PDLIM5: variants seen among roughly 807,000 people sequenced by gnomAD.
PDLIM5 encodes PDZ and LIM domain protein 5.
PDLIM5 carries 34 observed loss-of-function variants against 64.2 expected under a neutral mutation model. That is an observed-to-expected ratio of 0.53 (90% CI 0.40 to 0.71). PDLIM5 has a LOEUF of 0.71. PDLIM5 is among the 30% of genes least tolerant of loss of function. The pLI is 0.00. For synonymous variants in PDLIM5, 253 were observed against 269.1 expected (o/e 0.94, Z 0.59); for missense variants, 683 against 733.6 (o/e 0.93, Z 0.80).
At chr4:94,626,498 A>G (rs1370080447) in intron 8 of PDLIM5, among the ~76,000 whole-genome samples, 1 of 152,180 alleles carries the variant, frequency 6.6e-6, no homozygotes, top group Non-Finnish European at 1.5e-5. Context: ...CAGTGAACGT[A>G]TTTAAGGAGG....
At chr4:94,644,389 T>C (rs1490309578) in intron 9 of PDLIM5, among the ~76,000 whole-genome samples, 1 of 152,172 alleles carries the variant, frequency 6.6e-6, no homozygotes, top group Non-Finnish European at 1.5e-5. Flanking sequence ...ATCATATGAA[T>C]ATGGCAAAAA....
intron 3 of PDLIM5, among the ~76,000 whole-genome samples, chr4:94,529,622 A>C (rs568548370): frequency 6.6e-6 from 1 of 152,342 alleles, no homozygotes; most frequent in Admixed American, 6.5e-5. Flanking sequence ...TTGGGGGCAT[A>C]TAATAAAGCA....
chr4:94,609,091 T>G (rs1017324485), intron 7 of PDLIM5, among the ~76,000 whole-genome samples: 37 of 152,198 alleles, frequency 2.4e-4, no homozygotes, highest in Admixed American at 2.4e-3. Context: ...GAAGAATGAC[T>G]TATCAAATTC....
At chr4:94,455,536 GA>G (rs1174803856) in intron 2 of PDLIM5, 152 bp downstream of exon 2, 8 of 659,942 alleles carry the variant, frequency 1.2e-5, no homozygotes, top group Non-Finnish European at 1.9e-5. Flanking sequence ...AATAAAGGAT[GA>G]GGGGAGTAGA....
At position 94,538,999 on chromosome 4, in the gene PDLIM5, C is replaced by T. The variant is rs557829443; in HGVS notation, c.248+15124C>T. Among the ~76,000 whole-genome samples, 25 of 152,186 alleles carry T rather than the reference C, an allele frequency of 1.6e-4. 1 individual carries two copies. The South Asian group carries it at 4.2e-3, about 25-fold the overall frequency. ...AAGGAAGAATTTTTAAAACTAAGGACAGTGATAAAGTTTGCTGGGATCTTC... is the reference window on the plus strand; with the variant it reads ...AAGGAAGAATTTTTAAAACTAAGGATAGTGATAAAGTTTGCTGGGATCTTC... On this transcript the variant is annotated intron_variant, in intron 3 of 12. Transcript: ENST00000317968.
At chr4:94,611,235 G>C in intron 7 of PDLIM5, 4 of 1,513,148 alleles carry the variant, frequency 2.6e-6, no homozygotes, top group Non-Finnish European at 3.5e-6. Flanking sequence ...GTGGTGGTTC[G>C]CTGTTAAGCA....
intron 2 of PDLIM5, among the ~76,000 whole-genome samples, chr4:94,483,842 T>G (rs6845278): frequency 0.012 from 1,828 of 152,338 alleles, 43 homozygotes; most frequent in African/African-American, 0.041. Context: ...AATCATGGAT[T>G]TGATGTCTTT....
intron 7 of PDLIM5, among the ~76,000 whole-genome samples, chr4:94,603,994 GCTA>G (rs1404895968): frequency 5.3e-5 from 8 of 152,186 alleles, no homozygotes; most frequent in Admixed American, 5.2e-4. Context: ...CAAAATATGG[GCTA>G]CTGCTCATAG....
intron 1 of PDLIM5, among the ~76,000 whole-genome samples, chr4:94,452,533 C>A (rs1210522581): frequency 6.6e-6 from 1 of 152,254 alleles, no homozygotes; most frequent in Non-Finnish European, 1.5e-5. Context: ...TTTGTGTAAC[C>A]TGTTTGGGGA....
intron 7 of PDLIM5, among the ~76,000 whole-genome samples, chr4:94,589,292 A>G (rs1302544540): frequency 6.6e-6 from 1 of 152,240 alleles, no homozygotes; most frequent in African/African-American, 2.4e-5. Flanking sequence ...CCTAATACAG[A>G]CAAGAGAACA....
At chr4:94,528,489 T>C (rs1730572585) in intron 3 of PDLIM5, among the ~76,000 whole-genome samples, 1 of 152,202 alleles carries the variant, frequency 6.6e-6, no homozygotes, top group Non-Finnish European at 1.5e-5. Context: ...AGAAGACTCT[T>C]TAAGAGCAAA....
Position 94,640,315 on chromosome 4 carries a change from C to G in PDLIM5, c.1148C>G (p.Ser383Ter). 1.2e-6 allele frequency: 2 copies of G among 1,611,638 alleles called. No individual in the cohort carries two copies. Among genetic ancestry groups the G allele is most frequent in the Non-Finnish European group, 1.7e-6 (2 of 1,177,930 alleles). Residue 383 changes from serine to a stop codon, truncating the protein, a stop_gained, in exon 9 of 13, where the codon TCA (serine) becomes TGA (stop). Transcript: ENST00000317968. LOFTEE classifies it high-confidence loss of function. ...AGAATCTCAAACAGCGCTACTTACT[C>G]AGGATCAGTGGCACCAGCCAACTCA... is the stretch of plus-strand genomic sequence containing the variant. Reference protein sequence around the residue: ...TGRISNSATYSGSVAPANSAL... With the variant: ...TGRISNSATY
intron 7 of PDLIM5, among the ~76,000 whole-genome samples, chr4:94,592,851 A>G (rs760176141): frequency 6.6e-6 from 1 of 152,096 alleles, no homozygotes; most frequent in Non-Finnish European, 1.5e-5. Flanking sequence ...ACTCTTGGCA[A>G]TCTGCCTGCC....
intron 3 of PDLIM5, among the ~76,000 whole-genome samples, chr4:94,552,646 G>A (rs541948809): frequency 6.6e-6 from 1 of 151,354 alleles, no homozygotes; most frequent in African/African-American, 2.4e-5. Context: ...GTCTACTCTC[G>A]GTAAAATTAT....
At chr4:94,515,158 G>A (rs1729252198) in intron 2 of PDLIM5, among the ~76,000 whole-genome samples, 1 of 152,150 alleles carries the variant, frequency 6.6e-6, no homozygotes, top group African/African-American at 2.4e-5. Flanking sequence ...GATACAGTTA[G>A]TTTGAGGAGC....
chr4:94,453,752 T>A (rs576737500), intron 1 of PDLIM5, among the ~76,000 whole-genome samples: 1 of 152,322 alleles, frequency 6.6e-6, no homozygotes, highest in South Asian at 2.1e-4. Flanking sequence ...TGTGGCTCGT[T>A]ATTAGCTTCC....
intron 11 of PDLIM5, among the ~76,000 whole-genome samples, chr4:94,659,549 A>G (rs1742504465): frequency 6.8e-6 from 1 of 147,850 alleles, no homozygotes; most frequent in South Asian, 2.1e-4. Flanking sequence ...TATTGTTTAG[A>G]CGGAATCTTG....
intron 7 of PDLIM5, among the ~76,000 whole-genome samples, chr4:94,607,280 G>A (rs1738005640): frequency 6.7e-6 from 1 of 150,002 alleles, no homozygotes; most frequent in Non-Finnish European, 1.5e-5. Flanking sequence ...TTTTTTTAAT[G>A]GCTAATTTTG....
chr4:94,471,325 A>G (rs903202029), intron 2 of PDLIM5, among the ~76,000 whole-genome samples: 2 of 152,092 alleles, frequency 1.3e-5, no homozygotes, highest in African/African-American at 4.8e-5. Context: ...TCTACTTGAG[A>G]GATAGTTTCG....
Sources: allele counts gnomAD v4.1 joint callset (sites outside exome capture counted in the v4.1 genomes callset), GRCh38; gene constraint gnomAD v4.1.1; transcripts MANE v1.5; gene names NCBI Gene and HGNC (gene_info 2026-07-23, HGNC 2026-07-21).